The following PLXNA4 variants were observed in gnomAD, a reference collection of about 807,000 sequenced individuals.
PLXNA4 encodes the protein plexin A4, also known as plexin-A4.
In PLXNA4, 44 loss-of-function variants were observed where a neutral mutation model predicts 191.8. That is an observed-to-expected ratio of 0.23 (90% CI 0.18 to 0.29). PLXNA4 has a LOEUF of 0.29. Among genes scored for constraint, PLXNA4 ranks in the 10% least tolerant of loss-of-function variants. The pLI is 1.00. For synonymous variants in PLXNA4, 1,082 were observed against 1,009.5 expected (o/e 1.07, Z -1.36); for missense variants, 1,800 against 2,488.8 (o/e 0.72, Z 5.89).
rs1484067851 is a variant in PLXNA4, at chr7:132,208,432, G to A, written c.2298+2511C>T. On this transcript the variant is annotated intron_variant, in intron 10 of 31. Coordinates refer to ENST00000321063, the MANE Select transcript of PLXNA4 (RefSeq NM_020911.2). ...CTGCTTTGGAAGCAGTGACCTGGGG[G>A]GCACCCAGACCTGGCCCATGGTGGA... is the stretch of plus-strand genomic sequence containing the variant. 3.3e-5 allele frequency among the ~76,000 whole-genome samples: 5 copies of A among 152,192 alleles called. No individual in the cohort carries two copies. In the East Asian group the frequency reaches 9.6e-4, roughly 29 times the overall value.
intron 3 of PLXNA4, among the ~76,000 whole-genome samples, chr7:132,320,982 A>C (rs1209822103): frequency 6.6e-6 from 1 of 151,786 alleles, no homozygotes; most frequent in Non-Finnish European, 1.5e-5. Context: ...TGTTGCCCCA[A>C]ATCTCCCTGT....
intron 3 of PLXNA4, among the ~76,000 whole-genome samples, chr7:132,385,918 C>A (rs777747402): frequency 3.9e-5 from 6 of 152,230 alleles, no homozygotes; most frequent in Non-Finnish European, 8.8e-5. Context: ...GGAATCACAT[C>A]GTTTTTGAAC....
chr7:132,628,976 A>G (rs974430824), intron 2 of PLXNA4, among the ~76,000 whole-genome samples: 2 of 152,140 alleles, frequency 1.3e-5, no homozygotes, highest in Non-Finnish European at 2.9e-5. Flanking sequence ...TTGGCTGTCT[A>G]TTTATATTCA....
At chr7:132,518,841 C>T (rs573040751) in intron 1 of PLXNA4, among the ~76,000 whole-genome samples, 1 of 152,292 alleles carries the variant, frequency 6.6e-6, no homozygotes, top group South Asian at 2.1e-4. Context: ...GCCCTCCTTC[C>T]TTTCCCTCCC....
intron 2 of PLXNA4, among the ~76,000 whole-genome samples, chr7:132,633,728 C>T (rs751713341): frequency 1.3e-5 from 2 of 152,172 alleles, no homozygotes; most frequent in African/African-American, 2.4e-5. Context: ...CAGCTGCGTC[C>T]CTGACTCTGA....
intron 2 of PLXNA4, among the ~76,000 whole-genome samples, chr7:132,594,113 C>A (rs536060857): frequency 1.2e-4 from 18 of 152,330 alleles, no homozygotes; most frequent in Admixed American, 2.6e-4. Flanking sequence ...TGGTCACCAC[C>A]AATATCTCAG....
intron 21 of PLXNA4, among the ~76,000 whole-genome samples, chr7:132,173,275 G>C (rs771006772): frequency 6.6e-6 from 1 of 152,200 alleles, no homozygotes; most frequent in African/African-American, 2.4e-5. Flanking sequence ...AGGACTGGGG[G>C]AGGAGCAAAG....
In PLXNA4 at chr7:132,202,728, C is replaced by T. The variant is rs377259057; in HGVS notation, c.2504G>A (p.Arg835His). ...GCTCTCCTGGGCAGGGCAGTGCTGG[C>T]GCAGGGTGCACTGGCCTGGGCCCTG... ...WCQGPGQCTL[R>H]QHCPAQESQW... The change falls in exon 12 of 32, where the codon CGC (arginine) becomes CAC (histidine). Residue 835 changes from arginine to histidine, a missense_variant. Transcript: ENST00000321063. The T allele has an allele frequency of 4.5e-5, 72 of 1,609,422 alleles. No individual in the cohort carries two copies. Among genetic ancestry groups the T allele is most frequent in the Non-Finnish European group, 5.8e-5 (68 of 1,177,664 alleles).
chr7:132,514,021 T>C (rs1447288125), intron 1 of PLXNA4, among the ~76,000 whole-genome samples: 1 of 150,806 alleles, frequency 6.6e-6, no homozygotes, highest in Non-Finnish European at 1.5e-5. Flanking sequence ...AATACTAGTA[T>C]GTCACATAGA....
intron 2 of PLXNA4, among the ~76,000 whole-genome samples, chr7:132,640,738 T>C (rs1361395653): frequency 2.0e-5 from 3 of 151,372 alleles, no homozygotes; most frequent in African/African-American, 7.3e-5. Flanking sequence ...TCCAGGACAC[T>C]ATTGACCTTG....
chr7:132,181,679 G>A, intron 17 of PLXNA4, 59 bp from the exon 18 acceptor site: 2 of 1,589,764 alleles, frequency 1.3e-6, no homozygotes, highest in Admixed American at 3.4e-5. Context: ...CACAGCCCCA[G>A]TGCACATAGT....
chr7:132,238,239 C>T (rs1173427490), intron 5 of PLXNA4, among the ~76,000 whole-genome samples: 1 of 152,142 alleles, frequency 6.6e-6, no homozygotes, highest in Non-Finnish European at 1.5e-5. Context: ...CAGAAACACA[C>T]ACAAAACAAG....
In PLXNA4 at chr7:132,524,877, C is replaced by CA. The variant is rs200193268; in HGVS notation, c.-86-16099dup. ...CCATTGTGCCTGGCAAGACTTTTTT[C>CA]AAAAAAAACATATTAACATGTTTAA... On this transcript the variant is annotated intron_variant, in intron 1 of 31. Coordinates refer to ENST00000321063, the MANE Select transcript of PLXNA4 (RefSeq NM_020911.2). Among the ~76,000 whole-genome samples, 180 of 151,336 alleles carry CA rather than the reference C, an allele frequency of 1.2e-3. 3 individuals are homozygous for CA. The East Asian group carries it at 0.014, about 11-fold the overall frequency.
chr7:132,453,829 C>T (rs1038170506), intron 3 of PLXNA4, among the ~76,000 whole-genome samples: 6 of 152,198 alleles, frequency 3.9e-5, no homozygotes, highest in South Asian at 2.1e-4. Flanking sequence ...CGTGAGCCAC[C>T]GCGCCCAGCC....
chr7:132,405,339 T>C (rs900313669), intron 3 of PLXNA4, among the ~76,000 whole-genome samples: 2 of 152,162 alleles, frequency 1.3e-5, no homozygotes, highest in Non-Finnish European at 2.9e-5. Flanking sequence ...ACAGCTGCTC[T>C]TACTTAGGAA....
chr7:132,206,471 T>TGTGTGTGC (rs563340948), intron 10 of PLXNA4, among the ~76,000 whole-genome samples: 37 of 148,828 alleles, frequency 2.5e-4, no homozygotes, highest in Non-Finnish European at 3.1e-4. Flanking sequence ...TGTGTGTGTG[T>TGTGTGTGC]GCGCATGTGT....
intron 1 of PLXNA4, among the ~76,000 whole-genome samples, chr7:132,553,870 A>G (rs1800675345): frequency 6.6e-6 from 1 of 152,134 alleles, no homozygotes; most frequent in Non-Finnish European, 1.5e-5. Flanking sequence ...GGGGAAGAAA[A>G]GGGCAACTCT....
chr7:132,132,478 C>T (rs62469695), intron 31 of PLXNA4, among the ~76,000 whole-genome samples: 10,007 of 59,178 alleles, frequency 0.17, 1,320 homozygotes, highest in East Asian at 0.2. Context: ...CTCTGCTCTG[C>T]TCTGCTCTGC....
intron 2 of PLXNA4, among the ~76,000 whole-genome samples, chr7:132,640,843 C>G (rs1213041818): frequency 6.6e-6 from 1 of 151,572 alleles, no homozygotes; most frequent in Non-Finnish European, 1.5e-5. Flanking sequence ...AACTCTTACA[C>G]TTATTGAAAA....
Sources: gnomAD v4.1 joint callset for allele counts (sites outside exome capture counted in the v4.1 genomes callset) on GRCh38, gnomAD v4.1.1 for gene constraint, MANE v1.5 for transcripts, NCBI Gene and HGNC (gene_info 2026-07-23, HGNC 2026-07-21) for gene names.